The following GNG4 variants were observed in gnomAD, a reference collection of about 807,000 sequenced individuals.
GNG4 encodes G protein subunit gamma 4.
Under a neutral mutation model 5.8 loss-of-function variants are expected in GNG4, and 4 were observed. The observed-to-expected ratio is 0.69, with a 90% CI of 0.34 to 1.57. The LOEUF is 1.57. Ranked by LOEUF, GNG4 falls within the 40% of genes most tolerant of loss-of-function variation. GNG4 has a pLI of 0.06. For missense variants in GNG4, 96 were observed against 95.1 expected (o/e 1.01, Z -0.04); for synonymous variants, 29 against 32.9 (o/e 0.88, Z 0.41).
chr1:235,562,253 T>C (rs1300082786), intron 3 of GNG4, among the ~76,000 whole-genome samples: 1 of 152,238 alleles, frequency 6.6e-6, no homozygotes, highest in Non-Finnish European at 1.5e-5. Context: ...GTTCTCCAAC[T>C]TTGTTCTTCT....
chr1:235,613,762 TA>T (rs1334814351), intron 1 of GNG4, among the ~76,000 whole-genome samples: 2 of 152,342 alleles, frequency 1.3e-5, no homozygotes, highest in Non-Finnish European at 2.9e-5. Flanking sequence ...GTTAAGTCAC[TA>T]AGCATGTGGT....
intron 1 of GNG4, among the ~76,000 whole-genome samples, chr1:235,606,364 A>G (rs1228822638): frequency 6.6e-6 from 1 of 152,154 alleles, no homozygotes; most frequent in Admixed American, 6.5e-5. Flanking sequence ...CCTGGGCGAC[A>G]GAGCAAGACT....
At chr1:235,568,191 AT>A (rs1687247679) in intron 3 of GNG4, among the ~76,000 whole-genome samples, 1 of 151,442 alleles carries the variant, frequency 6.6e-6, no homozygotes, top group South Asian at 2.1e-4. Context: ...GCCTTGGCAA[AT>A]TCCTTTAGCA....
chr1:235,590,338 C>T (rs891757644), intron 2 of GNG4, among the ~76,000 whole-genome samples: 6 of 152,078 alleles, frequency 3.9e-5, no homozygotes, highest in Non-Finnish European at 8.8e-5. Flanking sequence ...GCCTGTAGTC[C>T]CAGCTACTTG....
intron 1 of GNG4, among the ~76,000 whole-genome samples, chr1:235,599,736 C>A (rs1688213754): frequency 6.6e-6 from 1 of 152,196 alleles, no homozygotes; most frequent in African/African-American, 2.4e-5. Context: ...TGGCTGAAGA[C>A]ACGTGGGTCA....
At chr1:235,623,641 C>G (rs1256520668) in intron 1 of GNG4, among the ~76,000 whole-genome samples, 1 of 152,192 alleles carries the variant, frequency 6.6e-6, no homozygotes, top group African/African-American at 2.4e-5. Flanking sequence ...TGGTGAGCAC[C>G]TATTCCACTC....
At chr1:235,566,955 T>TTAC (rs1348423544) in intron 3 of GNG4, 1 of 152,112 alleles carries the variant, frequency 6.6e-6, no homozygotes, top group African/African-American at 2.4e-5. Flanking sequence ...ATTATTATTA[T>TTAC]TATTGAAATA....
chr1:235,605,734 A>G (rs73120727), intron 1 of GNG4, among the ~76,000 whole-genome samples: 3,926 of 152,098 alleles, frequency 0.026, 166 homozygotes, highest in African/African-American at 0.085. Flanking sequence ...CAGCATGGGT[A>G]AAGACGGAGC....
chr1:235,572,375 T>C (rs1021755607), intron 3 of GNG4, among the ~76,000 whole-genome samples: 4 of 152,144 alleles, frequency 2.6e-5, no homozygotes, highest in African/African-American at 9.7e-5. Context: ...AATTTTCATA[T>C]TCTTAGTAGA....
At chr1:235,584,172 C>G (rs867350270) in intron 2 of GNG4, among the ~76,000 whole-genome samples, 1 of 152,340 alleles carries the variant, frequency 6.6e-6, no homozygotes. Context: ...CTTGGACATT[C>G]GTATAGTGCT....
At chr1:235,563,884 T>C (rs1687130283) in intron 3 of GNG4, among the ~76,000 whole-genome samples, 1 of 152,180 alleles carries the variant, frequency 6.6e-6, no homozygotes, top group Non-Finnish European at 1.5e-5. Context: ...AGCAGTTCCT[T>C]CCTCAGACTG....
At chr1:235,617,054 C>T (rs4659962) in intron 1 of GNG4, among the ~76,000 whole-genome samples, 30,719 of 151,728 alleles carry the variant, frequency 0.2, 5,433 homozygotes, top group East Asian at 0.6. Context: ...TGCCCAGTGC[C>T]GAAAGATTTT....
intron 3 of GNG4, among the ~76,000 whole-genome samples, chr1:235,556,448 C>T (rs1686909211): frequency 6.6e-6 from 1 of 151,468 alleles, no homozygotes; most frequent in Non-Finnish European, 1.5e-5. Flanking sequence ...ATCCCAGCTA[C>T]TCGGGAGGCT....
chr1:235,579,445 C>A (rs7536870), intron 3 of GNG4, among the ~76,000 whole-genome samples: 111,972 of 150,358 alleles, frequency 0.74, 42,943 homozygotes, highest in African/African-American at 0.93. Context: ...TAAAAAAAAA[C>A]CCAGAAAACA....
intron 1 of GNG4, among the ~76,000 whole-genome samples, chr1:235,621,929 G>A (rs1442405660): frequency 6.6e-6 from 1 of 151,146 alleles, no homozygotes; most frequent in Non-Finnish European, 1.5e-5. Context: ...CTCCCACCTC[G>A]GCCTCCCAGA....
chr1:235,619,194 CACACACACATATATATATAT>C (rs1272266081), intron 1 of GNG4, among the ~76,000 whole-genome samples: 1 of 115,950 alleles, frequency 8.6e-6, no homozygotes, highest in Non-Finnish European at 1.7e-5. Context: ...CATATATATA[CACACACACATATATATATAT>C]ACACACACAC....
chr1:235,613,204 A>G (rs1198027668), intron 1 of GNG4, among the ~76,000 whole-genome samples: 2 of 152,172 alleles, frequency 1.3e-5, no homozygotes, highest in African/African-American at 4.8e-5. Context: ...TTTAAATTCC[A>G]TTCCTAGCTA....
rs1686708567 is a variant in GNG4, at chr1:235,550,317, T to C, written c.*1792A>G. 1 of 152,228 alleles carries C rather than the reference T, an allele frequency of 6.6e-6. No individual in the cohort carries two copies. Among genetic ancestry groups the C allele is most frequent in the Non-Finnish European group, 1.5e-5 (1 of 68,060 alleles). The allele number at this position is 152,228 out of a possible 1,614,324, so 9.4% of individuals were successfully genotyped here. On this transcript the variant is annotated 3_prime_UTR_variant, in exon 4 of 4. Transcript: ENST00000391854. ...GGTTACTGCAACAAAGGTGTTTGCTTCACGGTGTGCAGTTATGATAGTTTG... is the reference window on the plus strand; with the variant it reads ...GGTTACTGCAACAAAGGTGTTTGCTCCACGGTGTGCAGTTATGATAGTTTG...
intron 3 of GNG4, among the ~76,000 whole-genome samples, chr1:235,583,485 G>A (rs955726240): frequency 6.6e-6 from 1 of 152,186 alleles, no homozygotes; most frequent in African/African-American, 2.4e-5. Context: ...GCTAAATAGA[G>A]CCGAGATGAA....
Sources: allele counts gnomAD v4.1 joint callset (sites outside exome capture counted in the v4.1 genomes callset), GRCh38; gene constraint gnomAD v4.1.1; transcripts MANE v1.5; gene names NCBI Gene and HGNC (gene_info 2026-07-23, HGNC 2026-07-21).